MAMLD1: variants seen among roughly 807,000 people sequenced by gnomAD.
MAMLD1 encodes the protein mastermind like domain containing 1, also known as mastermind-like domain-containing protein 1.
In MAMLD1, 14 loss-of-function variants were observed where a neutral mutation model predicts 45.0. That is an observed-to-expected ratio of 0.31 (90% confidence interval 0.21 to 0.49). The LOEUF (loss-of-function observed/expected upper bound fraction) is 0.49. Ranked by LOEUF, MAMLD1 falls within the 20% of genes least tolerant of loss-of-function variation. MAMLD1 has a pLI of 0.99. For synonymous variants in MAMLD1, 254 were observed against 247.8 expected, an observed-to-expected ratio of 1.02 and a Z score of -0.24; for missense variants, 543 against 603.6, an observed-to-expected ratio of 0.90 and a Z score of 1.05.
At chrX:150,436,596 C>T (rs1602794159) in intron 1 of MAMLD1, among the ~76,000 whole-genome samples, 1 of 111,897 alleles carries the variant, frequency 8.9e-6, no homozygotes, top group East Asian at 2.8e-4. Flanking sequence ...CTTAAGATGG[C>T]CATTTCGTCT....
chrX:150,370,812 C>T (rs1460479076), intron 1 of MAMLD1, among the ~76,000 whole-genome samples: 1 of 111,889 alleles, frequency 8.9e-6, no homozygotes, highest in East Asian at 2.8e-4. Flanking sequence ...AGATATGAAA[C>T]AGTTCAAAAA....
intron 7 of MAMLD1, among the ~76,000 whole-genome samples, chrX:150,510,699 G>T (rs1032367157): frequency 1.1e-4 from 12 of 112,657 alleles, no homozygotes; most frequent in African/African-American, 3.5e-4. Flanking sequence ...GCACCAGTGG[G>T]ATGAGATTGG....
intron 1 of MAMLD1, among the ~76,000 whole-genome samples, chrX:150,366,563 A>G (rs1232687866): frequency 8.9e-6 from 1 of 112,561 alleles, no homozygotes; most frequent in East Asian, 2.8e-4. Flanking sequence ...CCTGCCGGAC[A>G]GACCAGCTGT....
At chrX:150,434,547 T>C (rs1308446357) in intron 1 of MAMLD1, among the ~76,000 whole-genome samples, 1 of 111,696 alleles carries the variant, frequency 9.0e-6, no homozygotes, top group Non-Finnish European at 1.9e-5. Flanking sequence ...TGTGGACACT[T>C]AGTGCTATGA....
rs199565943 is a variant in MAMLD1, at chrX:150,435,513, C to CA, written c.-63-9933dup. Among the ~76,000 whole-genome samples, 8 of 110,366 alleles carry CA rather than the reference C, an allele frequency of 7.2e-5. No individual in the cohort carries two copies. The South Asian group carries it at 1.9e-3, about 27-fold the overall frequency. On this transcript the variant is annotated intron_variant, in intron 1 of 7. Coordinates refer to ENST00000370401, the MANE Select transcript of MAMLD1 (RefSeq NM_005491.5). Reference sequence around the variant, plus strand: ...TGGGCAACAGAGAGAGACTCTGTCTCAAAAAAAATAAAAGAATAGCAACCC... The same window carrying CA: ...TGGGCAACAGAGAGAGACTCTGTCTCAAAAAAAAATAAAAGAATAGCAACCC...
In MAMLD1 at chrX:150,462,780, G is replaced by T; in HGVS notation, c.105G>T (p.Lys35Asn). The T allele has an allele frequency of 8.3e-7, 1 of 1,208,899 alleles. No homozygotes were observed. The highest frequency in any genetic ancestry group is 1.1e-6 in the Non-Finnish European group (1 of 892,857). ...CCTACTCTCACCCCCAGGGAAAGAAGCCCTCGTGGATGGAGGAAGAAGATT... is the reference window on the plus strand; with the variant it reads ...CCTACTCTCACCCCCAGGGAAAGAATCCCTCGTGGATGGAGGAAGAAGATT... ...EPRKLQESGKKPSWMEEEDLS... is the reference protein window; with the variant it reads ...EPRKLQESGKNPSWMEEEDLS... Residue 35 changes from lysine to asparagine, a missense_variant, in exon 3 of 8, where the codon AAG (lysine) becomes AAT (asparagine). Lys to Asn is a moderately conservative substitution (Grantham distance 94, BLOSUM62 0). Coordinates refer to ENST00000370401, the MANE Select transcript of MAMLD1 (RefSeq NM_005491.5).
chrX:150,454,146 A>T (rs2035764216), intron 2 of MAMLD1, among the ~76,000 whole-genome samples: 1 of 112,138 alleles, frequency 8.9e-6, no homozygotes, highest in South Asian at 3.7e-4. Context: ...TCCTAGAATA[A>T]GCTTCAGGCC....
chrX:150,422,950 C>A (rs1419818089), intron 1 of MAMLD1, among the ~76,000 whole-genome samples: 1 of 111,722 alleles, frequency 9.0e-6, no homozygotes, highest in Non-Finnish European at 1.9e-5. Context: ...TCCTTATGTG[C>A]ACCATGGGAG....
At chrX:150,381,201 G>A (rs1557401624) in intron 1 of MAMLD1, among the ~76,000 whole-genome samples, 1 of 111,673 alleles carries the variant, frequency 9.0e-6, no homozygotes, top group African/African-American at 3.3e-5. Context: ...AATTATAGAG[G>A]CTTTATTGTG....
Position 150,470,669 on chromosome X carries a change from A to G in MAMLD1, c.1096A>G (p.Met366Val), listed in dbSNP as rs782304346. ...ACCCCCATTCAGCCCCCAGAGCCTCATGGTGTCCTGCATGTCGTCCAATAC... is the reference window on the plus strand; with the variant it reads ...ACCCCCATTCAGCCCCCAGAGCCTCGTGGTGTCCTGCATGTCGTCCAATAC... ...PPPPFSPQSL[M>V]VSCMSSNTLS... Residue 366 changes from methionine (M) to valine (V), a missense_variant, in exon 4 of 8, where the codon ATG becomes GTG. Transcript: ENST00000370401. 2 of 1,211,640 alleles carry G rather than the reference A, an allele frequency of 1.7e-6. No individual in the cohort carries two copies. The highest frequency in any genetic ancestry group is 2.2e-6 in the Non-Finnish European group (2 of 895,451).
chrX:150,472,309 A>C (rs1284608834), intron 4 of MAMLD1, among the ~76,000 whole-genome samples: 4 of 112,356 alleles, frequency 3.6e-5, no homozygotes, highest in Non-Finnish European at 7.5e-5. Flanking sequence ...GCTGCATAAC[A>C]AATTACCCCA....
Position 150,512,722 on chromosome X carries a change from G to A in MAMLD1, c.*763G>A. The A allele has an allele frequency of 8.7e-7, 1 of 1,154,624 alleles. No homozygotes were observed. The highest frequency in any genetic ancestry group is 1.1e-6 in the Non-Finnish European group (1 of 871,984). ...GCTTTAGTCCCCTGAGCCCCATACA[G>A]GGCATCGAGCCACCAAGCTATGTGG... On this transcript the variant is annotated 3_prime_UTR_variant, in exon 8 of 8. Transcript: ENST00000370401.
intron 1 of MAMLD1, among the ~76,000 whole-genome samples, chrX:150,441,113 G>T (rs1448639430): frequency 9.4e-6 from 1 of 106,196 alleles, no homozygotes; most frequent in Non-Finnish European, 1.9e-5. Context: ...ATGATATTTT[G>T]TTAAATGCAT....
intron 1 of MAMLD1, among the ~76,000 whole-genome samples, chrX:150,440,930 A>G (rs1395307912): frequency 9.7e-6 from 1 of 103,244 alleles, no homozygotes; most frequent in South Asian, 3.7e-4. Flanking sequence ...ATTAAATATA[A>G]TATTATTATT....
intron 2 of MAMLD1, among the ~76,000 whole-genome samples, chrX:150,458,668 T>G (rs1347140327): frequency 1.8e-5 from 2 of 112,008 alleles, no homozygotes; most frequent in East Asian, 5.6e-4. Context: ...AGTGACAAAT[T>G]AAAAATGTAT....
chrX:150,429,093 T>C (rs1307925980), intron 1 of MAMLD1, among the ~76,000 whole-genome samples: 1 of 111,256 alleles, frequency 9.0e-6, no homozygotes, highest in Non-Finnish European at 1.9e-5. Flanking sequence ...CTGGAGATGC[T>C]GGGCCTATCT....
rs1406342864 is a variant in MAMLD1 at position 150,512,374 on chromosome X, G to A, written c.*415G>A. On this transcript the variant is annotated 3_prime_UTR_variant, in exon 8 of 8. Coordinates refer to ENST00000370401, the MANE Select transcript of MAMLD1 (RefSeq NM_005491.5). ...CCTTGAGTCCCCACCAGCTCAGACG[G>A]CCTAGTGTGCCAAGAATGCCCACTG... 8.8e-7 allele frequency: 1 copy of A among 1,140,783 alleles called. No individual in the cohort carries two copies. Among genetic ancestry groups the A allele is most frequent in the African/African-American group, 1.8e-5 (1 of 56,254 alleles). 94.0% of individuals were successfully genotyped at this position (1,140,783 alleles called of 1,213,427 possible). A position where few individuals can be genotyped will look rare whatever the true frequency, so the allele number is the denominator to read the frequency against.
intron 1 of MAMLD1, among the ~76,000 whole-genome samples, chrX:150,425,225 G>A (rs781856218): frequency 3.6e-5 from 4 of 111,398 alleles, no homozygotes; most frequent in Non-Finnish European, 7.5e-5. Context: ...GATTTTGTAC[G>A]AATCTCTGTT....
Position 150,512,762 on chromosome X carries a change from G to A in MAMLD1, c.*803G>A, listed in dbSNP as rs182200963. On this transcript the variant is annotated 3_prime_UTR_variant, in exon 8 of 8. Coordinates refer to ENST00000370401, the MANE Select transcript of MAMLD1 (RefSeq NM_005491.5). ...AAGCTATGTGGCTGCTGCTGCCACCGCTGCTGCTGCTTCTGCCGTTGCTGC... is the reference window on the plus strand; with the variant it reads ...AAGCTATGTGGCTGCTGCTGCCACCACTGCTGCTGCTTCTGCCGTTGCTGC... The A allele has an allele frequency of 8.6e-5, 99 of 1,152,506 alleles. No homozygotes were observed. In the African/African-American group the frequency reaches 1.5e-3, roughly 17 times the overall value. 95.0% of individuals were successfully genotyped at this position (1,152,506 alleles called of 1,213,427 possible).
Sources: gnomAD v4.1 joint callset for allele counts (sites outside exome capture counted in the v4.1 genomes callset) on GRCh38, gnomAD v4.1.1 for gene constraint, MANE v1.5 for transcripts, NCBI Gene and HGNC (gene_info 2026-07-23, HGNC 2026-07-21) for gene names.